DEUP1: variants seen among roughly 807,000 people sequenced by gnomAD.
DEUP1 encodes the protein deuterosome assembly protein 1, also known as coiled-coil domain containing 67.
A neutral mutation model predicts 87.4 loss-of-function variants in DEUP1; 82 were observed. That is an observed-to-expected ratio of 0.94 (90% CI 0.78 to 1.13). The LOEUF is 1.13. Among genes scored for constraint, DEUP1 ranks in the 50% most tolerant of loss-of-function variants. DEUP1 has a pLI of 0.00. For synonymous variants in DEUP1, 214 were observed against 222.7 expected, an observed-to-expected ratio of 0.96 and a Z score of 0.35; for missense variants, 663 against 681.5, an observed-to-expected ratio of 0.97 and a Z score of 0.30.
At chr11:93,403,944 C>A (rs1189506035) in intron 11 of DEUP1, among the ~76,000 whole-genome samples, 1 of 152,026 alleles carries the variant, frequency 6.6e-6, no homozygotes, top group Non-Finnish European at 1.5e-5. Flanking sequence ...AAAATATGTG[C>A]TGTTTGGAAA....
intron 13 of DEUP1, among the ~76,000 whole-genome samples, chr11:93,428,380 A>G (rs891494385): frequency 1.4e-5 from 2 of 146,500 alleles, no homozygotes; most frequent in African/African-American, 2.5e-5. Context: ...TCACTCATTG[A>G]TGGGCATTGA....
intron 2 of DEUP1, among the ~76,000 whole-genome samples, chr11:93,354,775 C>T (rs573112606): frequency 2.6e-5 from 4 of 152,294 alleles, no homozygotes; most frequent in African/African-American, 9.6e-5. Flanking sequence ...AGTTACCTCC[C>T]CCTAGTTTCC....
intron 12 of DEUP1, among the ~76,000 whole-genome samples, chr11:93,414,469 T>G (rs1330792967): frequency 6.6e-6 from 1 of 152,102 alleles, no homozygotes; most frequent in South Asian, 2.1e-4. Context: ...ATCGCGCCAC[T>G]GCACTCCAGC....
At chr11:93,337,629 G>A (rs1255265998) in intron 2 of DEUP1, among the ~76,000 whole-genome samples, 1 of 152,076 alleles carries the variant, frequency 6.6e-6, no homozygotes, top group Non-Finnish European at 1.5e-5. Flanking sequence ...AGTACATCTG[G>A]GTTAAAATCC....
Position 93,413,770 on chromosome 11 carries a change from G to C in DEUP1, c.1524-1230G>C, listed in dbSNP as rs565754691. On this transcript the variant is annotated intron_variant, in intron 12 of 13. Coordinates refer to ENST00000298050, the MANE Select transcript of DEUP1 (RefSeq NM_181645.4). ...TTTTAGCACAAACAAATTCCATGCT[G>C]TATGACTTTCACTGAAATAGTGGGG... Among the ~76,000 whole-genome samples the C allele has an allele frequency of 3.3e-5, 5 of 152,254 alleles. No homozygotes were observed. In the East Asian group the frequency reaches 9.6e-4, roughly 29 times the overall value.
chr11:93,428,367 T>G (rs1188628930), intron 13 of DEUP1, among the ~76,000 whole-genome samples: 2 of 151,732 alleles, frequency 1.3e-5, no homozygotes, highest in Non-Finnish European at 2.9e-5. Flanking sequence ...ACACCACATG[T>G]TCTCACTCAT....
chr11:93,364,185 A>G lies in DEUP1; in HGVS notation c.323A>G (p.Glu108Gly). The change falls in exon 5 of 14, where the codon GAA becomes GGA. Residue 108 changes from glutamate to glycine, a missense_variant. By Grantham distance (98) the Glu-to-Gly change is moderately conservative. Coordinates refer to ENST00000298050, the MANE Select transcript of DEUP1 (RefSeq NM_181645.4). ...TTTTCCAAACTAACAAATAACTTTG[A>G]AAAACTGAGATTACATCAGATGAAA... ...AQFSKLTNNF[E>G]KLRLHQMKQN... 6.3e-7 allele frequency: 1 copy of G among 1,596,050 alleles called. No individual in the cohort carries two copies. The highest frequency in any genetic ancestry group is 8.6e-7 in the Non-Finnish European group (1 of 1,166,768).
At chr11:93,416,066 C>T (rs1315320459) in intron 13 of DEUP1, among the ~76,000 whole-genome samples, 1 of 152,100 alleles carries the variant, frequency 6.6e-6, no homozygotes. Context: ...TTAGTAGGTA[C>T]CGCCAAACTA....
chr11:93,381,378 C>T (rs557754217), intron 7 of DEUP1, among the ~76,000 whole-genome samples: 138 of 152,142 alleles, frequency 9.1e-4, no homozygotes, highest in Non-Finnish European at 1.5e-3. Flanking sequence ...ACATCATACA[C>T]ATAAATGCAA....
intron 11 of DEUP1, among the ~76,000 whole-genome samples, chr11:93,398,595 T>G (rs1245690356): frequency 6.6e-6 from 1 of 152,314 alleles, no homozygotes; most frequent in East Asian, 1.9e-4. Context: ...AATAGCTCTT[T>G]AATTTGCATT....
rs181145778 is a variant in DEUP1 at position 93,347,532 on chromosome 11, A to T, written c.30-7839A>T. ...GGTCAGGATGATGCCGGCCTCATAG[A>T]ATGAGTTTGGGAGGAGTCTGTCCTC... On this transcript the variant is annotated intron_variant, in intron 2 of 13. Coordinates refer to ENST00000298050, the MANE Select transcript of DEUP1 (RefSeq NM_181645.4). 9.9e-4 allele frequency among the ~76,000 whole-genome samples: 150 copies of T among 151,986 alleles called. 5 individuals carry two copies. The highest frequency in any genetic ancestry group is 9.8e-3 in the Admixed American group (149 of 15,266).
chr11:93,410,539 C>A lies in DEUP1; in HGVS notation c.1523+2112C>A, dbSNP rs138968637. On this transcript the variant is annotated intron_variant, in intron 12 of 13. Transcript: ENST00000298050. The stretch of plus-strand genomic sequence containing the variant: ...TGTACTGTATATAGTTGCCTCATTG[C>A]GAGAGAAAAGCAAACCCATGAAGAA... 5.2e-3 allele frequency among the ~76,000 whole-genome samples: 795 copies of A among 152,186 alleles called. 3 individuals are homozygous for A. Among genetic ancestry groups the A allele is most frequent in the African/African-American group, 0.018 (750 of 41,514 alleles).
At chr11:93,415,257 C>T (rs2658777) in intron 13 of DEUP1, 143 bp downstream of exon 13, 364,561 of 452,226 alleles carry the variant, frequency 0.81, 147,496 homozygotes, top group East Asian at 0.9. Flanking sequence ...GGTCTGCGAG[C>T]CATTTGGCCA....
chr11:93,402,762 G>A (rs558028298), intron 11 of DEUP1, among the ~76,000 whole-genome samples: 38 of 151,976 alleles, frequency 2.5e-4, no homozygotes, highest in East Asian at 5.8e-4. Flanking sequence ...TGAAATAAGC[G>A]AAGCACAGAA....
At chr11:93,403,774 A>G (rs1276457265) in intron 11 of DEUP1, among the ~76,000 whole-genome samples, 1 of 151,720 alleles carries the variant, frequency 6.6e-6, no homozygotes, top group Non-Finnish European at 1.5e-5. Flanking sequence ...ACTTTATCAT[A>G]TCTATTATAT....
chr11:93,373,142 T>C (rs1004798705), intron 7 of DEUP1, among the ~76,000 whole-genome samples: 1 of 152,224 alleles, frequency 6.6e-6, no homozygotes, highest in African/African-American at 2.4e-5. Context: ...TTGTTCTTGG[T>C]ACTTCCCAAG....
In DEUP1 at chr11:93,416,359, G is replaced by A. The variant is rs531700984; in HGVS notation, c.1638+1245G>A. On this transcript the variant is annotated intron_variant, in intron 13 of 13. Transcript: ENST00000298050. ...AAATGATAAAGGGGATATCACCACC[G>A]ATCCCACAGAAATACAAACTACCAT... Among the ~76,000 whole-genome samples the A allele has an allele frequency of 1.1e-3, 175 of 152,196 alleles. 2 individuals are homozygous for A. Among genetic ancestry groups the A allele is most frequent in the African/African-American group, 3.9e-3 (163 of 41,522 alleles).
At chr11:93,335,727 C>T (rs1943726385) in intron 2 of DEUP1, among the ~76,000 whole-genome samples, 1 of 152,300 alleles carries the variant, frequency 6.6e-6, no homozygotes, top group South Asian at 2.1e-4. Context: ...TTTTAGTTTA[C>T]TTTAATCAAT....
At chr11:93,412,611 CTAAGA>C (rs1374948021) in intron 12 of DEUP1, among the ~76,000 whole-genome samples, 2 of 151,758 alleles carry the variant, frequency 1.3e-5, no homozygotes, top group Non-Finnish European at 1.5e-5. Flanking sequence ...AAATGGATAA[CTAAGA>C]TAATTATTTA....
Sources: gnomAD v4.1 joint callset for allele counts (sites outside exome capture counted in the v4.1 genomes callset) on GRCh38, gnomAD v4.1.1 for gene constraint, MANE v1.5 for transcripts, NCBI Gene and HGNC (gene_info 2026-07-23, HGNC 2026-07-21) for gene names.